SEC24D: variants seen among roughly 807,000 people sequenced by gnomAD.
The protein encoded by SEC24D is SEC24 homolog D, COPII component, also known as protein transport protein Sec24D.
In SEC24D, 69 loss-of-function variants were observed where a neutral mutation model predicts 116.9. The ratio of observed to expected loss-of-function variants is 0.59; its 90% CI spans 0.49 to 0.72. SEC24D has a LOEUF of 0.72. Among genes scored for constraint, SEC24D ranks in the 30% least tolerant of loss-of-function variants. The probability of loss-of-function intolerance (pLI) is 0.00; values close to 1 mark genes in which losing one functional copy is unlikely to be tolerated. For missense variants in SEC24D, 1,131 were observed against 1,264.1 expected (o/e 0.89, Z 1.60); for synonymous variants, 405 against 442.8 (o/e 0.91, Z 1.07).
intron 7 of SEC24D, 32 bp downstream of exon 7, chr4:118,805,811 C>G: frequency 7.5e-7 from 1 of 1,334,128 alleles, no homozygotes; most frequent in Non-Finnish European, 1.0e-6. Context: ...AATTTTAAAA[C>G]CTTAATAAAT....
In SEC24D at chr4:118,738,387, A is replaced by G; in HGVS notation, c.2378-8T>C. On this transcript the variant is annotated splice_polypyrimidine_tract_variant and splice_region_variant and intron_variant, in intron 18 of 22. Coordinates refer to ENST00000280551, the MANE Select transcript of SEC24D (RefSeq NM_014822.4). ...GGAGAACTGCTTTAAAAGCTACATC[A>G]CAAAACAATGAAAAGGACATGAGTT... The G allele has an allele frequency of 6.4e-7, 1 of 1,566,846 alleles. No individual in the cohort carries two copies. The highest frequency in any genetic ancestry group is 8.8e-7 in the Non-Finnish European group (1 of 1,137,272).
intron 19 of SEC24D, 57 bp downstream of exon 19, chr4:118,738,204 G>T: frequency 8.8e-7 from 1 of 1,140,850 alleles, no homozygotes; most frequent in Non-Finnish European, 1.3e-6. Context: ...GCTATGTGCT[G>T]AAGAAATGAG....
intron 1 of SEC24D, among the ~76,000 whole-genome samples, chr4:118,835,556 T>C (rs1021492284): frequency 9.2e-5 from 14 of 152,222 alleles, no homozygotes; most frequent in East Asian, 1.9e-4. Context: ...CAAGATATAG[T>C]TGCCATTTTT....
chr4:118,777,534 A>C (rs1475545275), intron 8 of SEC24D, among the ~76,000 whole-genome samples: 2 of 152,150 alleles, frequency 1.3e-5, no homozygotes, highest in East Asian at 3.8e-4. Context: ...GGTTGGTTCC[A>C]AGTCTTTGCT....
intron 8 of SEC24D, among the ~76,000 whole-genome samples, chr4:118,785,275 A>G (rs1014495152): frequency 2.6e-5 from 4 of 152,212 alleles, no homozygotes; most frequent in Non-Finnish European, 4.4e-5. Flanking sequence ...ACTTCTATAT[A>G]TAAATGATAT....
chr4:118,779,391 G>A (rs902928515), intron 8 of SEC24D, among the ~76,000 whole-genome samples: 2 of 152,128 alleles, frequency 1.3e-5, no homozygotes, highest in Non-Finnish European at 2.9e-5. Flanking sequence ...TTCTGTTTAT[G>A]TGATGGATTA....
intron 8 of SEC24D, among the ~76,000 whole-genome samples, chr4:118,781,407 A>C (rs902531324): frequency 2.6e-5 from 4 of 152,182 alleles, no homozygotes; most frequent in African/African-American, 9.7e-5. Flanking sequence ...AGAATGTTGA[A>C]TATTGGCCCC....
intron 19 of SEC24D, chr4:118,736,169 CTGTTTT>C (rs1174332591): frequency 6.6e-6 from 1 of 151,272 alleles, no homozygotes; most frequent in Non-Finnish European, 1.5e-5. Context: ...CCACGCCCAG[CTGTTTT>C]TGTATTTTTA....
At chr4:118,825,604 A>T (rs1193622414) in intron 2 of SEC24D, 2 of 456,150 alleles carry the variant, frequency 4.4e-6, no homozygotes, top group South Asian at 3.1e-5. Context: ...ATCTTTAAGG[A>T]CCTCAGTTTT....
intron 10 of SEC24D, chr4:118,758,629 T>A (rs923870779): frequency 1.3e-5 from 2 of 152,164 alleles, no homozygotes; most frequent in Non-Finnish European, 2.9e-5. Context: ...TTTAGTGACC[T>A]ACATACGGAA....
At chr4:118,813,770 G>C (rs1056165819) in intron 6 of SEC24D, among the ~76,000 whole-genome samples, 3 of 152,230 alleles carry the variant, frequency 2.0e-5, no homozygotes, top group African/African-American at 2.4e-5. Flanking sequence ...CCAGAACTGT[G>C]AGAGAATACA....
chr4:118,748,789 C>T (rs756056805), intron 13 of SEC24D, among the ~76,000 whole-genome samples: 8 of 152,014 alleles, frequency 5.3e-5, no homozygotes, highest in Non-Finnish European at 1.2e-4. Context: ...AGATCAAGGG[C>T]TCCCTGAAAA....
chr4:118,758,485 CATAAAGCAGCTGCT>C (rs1489562029), intron 10 of SEC24D: 1 of 152,116 alleles, frequency 6.6e-6, no homozygotes, highest in African/African-American at 2.4e-5. Context: ...ATCACTGTGA[CATAAAGCAGCTGCT>C]ACGAACATGT....
chr4:118,775,956 A>C (rs1728111420), intron 8 of SEC24D, among the ~76,000 whole-genome samples: 1 of 152,174 alleles, frequency 6.6e-6, no homozygotes, highest in South Asian at 2.1e-4. Flanking sequence ...TGAATTTCTA[A>C]CTAAAAAACT....
At chr4:118,762,591 T>C (rs1727437756) in intron 10 of SEC24D, among the ~76,000 whole-genome samples, 1 of 152,170 alleles carries the variant, frequency 6.6e-6, no homozygotes, top group Non-Finnish European at 1.5e-5. Flanking sequence ...TCCAAGTGCA[T>C]GGTGTAAAAA....
rs1560737107 is a variant in SEC24D, at chr4:118,810,120, GTGTGTGTGTGTGTGTGT to G, written c.802-4183_802-4167del. Among the ~76,000 whole-genome samples, 204 of 145,044 alleles carry G rather than the reference GTGTGTGTGTGTGTGTGT, an allele frequency of 1.4e-3. 2 individuals carry two copies. The highest frequency in any genetic ancestry group is 7.0e-3 in the Middle Eastern group (2 of 286). On this transcript the variant is annotated intron_variant, in intron 6 of 22. Coordinates refer to ENST00000280551, the MANE Select transcript of SEC24D (RefSeq NM_014822.4). ...TGTGTGTGTGTGTGTGTGTGTGTGT[GTGTGTGTGTGTGTGTGT>G]CAGAGGGTATAGGGGAGCCAGGGGT...
chr4:118,742,373 TG>T (rs3842005), intron 15 of SEC24D, among the ~76,000 whole-genome samples: 48 of 149,194 alleles, frequency 3.2e-4, no homozygotes, highest in African/African-American at 7.6e-4. Flanking sequence ...TTTGGAAAAG[TG>T]GGGGGGGGAA....
chr4:118,803,845 T>C lies in SEC24D; in HGVS notation c.913+1998A>G, dbSNP rs115843645. Among the ~76,000 whole-genome samples the C allele has an allele frequency of 5.0e-3, 759 of 152,310 alleles. 6 individuals carry two copies. Among genetic ancestry groups the C allele is most frequent in the African/African-American group, 0.018 (729 of 41,562 alleles). Reference sequence around the variant, plus strand: ...GTAACATTACAGGGGGATTAAATTATTCCATATAAAGTGGTTAGAAAATTG... The same window carrying C: ...GTAACATTACAGGGGGATTAAATTACTCCATATAAAGTGGTTAGAAAATTG... On this transcript the variant is annotated intron_variant, in intron 7 of 22. Transcript: ENST00000280551.
intron 8 of SEC24D, among the ~76,000 whole-genome samples, chr4:118,785,097 C>T (rs191491992): frequency 1.2e-4 from 19 of 152,170 alleles, no homozygotes; most frequent in African/African-American, 4.3e-4. Context: ...ATACAAGATC[C>T]TCGCCTTAGT....
Sources: allele counts gnomAD v4.1 joint callset (sites outside exome capture counted in the v4.1 genomes callset), GRCh38; gene constraint gnomAD v4.1.1; transcripts MANE v1.5; gene names NCBI Gene and HGNC (gene_info 2026-07-23, HGNC 2026-07-21).